Variants in LDAH observed in about 807,000 individuals in gnomAD.
LDAH encodes lipid droplet-associated hydrolase.
In LDAH, 26 loss-of-function variants were observed where a neutral mutation model predicts 29.6. The ratio of observed to expected loss-of-function variants is 0.88; its 90% CI spans 0.64 to 1.22. LDAH has a LOEUF of 1.22. Ranked by LOEUF, LDAH falls within the 50% of genes most tolerant of loss-of-function variation. The pLI, the probability that LDAH is intolerant of heterozygous loss-of-function variation, is 0.00. For synonymous variants in LDAH, 117 were observed against 133.0 expected (o/e 0.88, Z 0.83); for missense variants, 344 against 387.3 (o/e 0.89, Z 0.94).
In LDAH at chr2:20,744,335, CAGTT is replaced by C. The variant is rs1667426532; in HGVS notation, c.469-4134_469-4131del. Among the ~76,000 whole-genome samples the C allele has an allele frequency of 7.3e-5, 11 of 151,038 alleles. No homozygotes were observed. The South Asian group carries it at 2.3e-3, about 31-fold the overall frequency. On this transcript the variant is annotated intron_variant, in intron 4 of 6. Coordinates refer to ENST00000237822, the MANE Select transcript of LDAH (RefSeq NM_021925.4). ...TATAAATCAGCTTTTAGCAATGTAG[CAGTT>C]AGGTGGGGGAAAGGGGAGGGGAGAC...
At chr2:20,814,659 A>G (rs1025521956) in intron 1 of LDAH, among the ~76,000 whole-genome samples, 15 of 152,224 alleles carry the variant, frequency 9.9e-5, no homozygotes, top group Non-Finnish European at 1.8e-4. Flanking sequence ...AAGGGGTTTC[A>G]CCATGTTGCC....
chr2:20,755,815 G>A (rs552983302), intron 4 of LDAH, among the ~76,000 whole-genome samples: 1 of 152,308 alleles, frequency 6.6e-6, no homozygotes, highest in East Asian at 1.9e-4. Context: ...GCAAACTCCA[G>A]CTCCTTGAGC....
rs1259491123 is a variant in LDAH at position 20,684,394 on chromosome 2, T to C, written c.*2509A>G. Reference sequence around the variant, plus strand: ...GTCTCCTTTAATCTGAAATTGCTTTTTTTTTTTGCTCTTTTTTAAAAATTA... The same window carrying C: ...GTCTCCTTTAATCTGAAATTGCTTTCTTTTTTTGCTCTTTTTTAAAAATTA... On this transcript the variant is annotated 3_prime_UTR_variant, in exon 7 of 7. Coordinates refer to ENST00000237822, the MANE Select transcript of LDAH (RefSeq NM_021925.4). 1 of 152,360 alleles carries C rather than the reference T, an allele frequency of 6.6e-6. No homozygotes were observed. Among genetic ancestry groups the C allele is most frequent in the Admixed American group, 6.5e-5 (1 of 15,288 alleles). The allele number at this position is 152,360 out of a possible 1,614,324, so 9.4% of individuals were successfully genotyped here. A position where few individuals can be genotyped will look rare whatever the true frequency, so the allele number is the denominator to read the frequency against.
Position 20,701,614 on chromosome 2 carries a change from C to A in LDAH, c.742G>T (p.Val248Leu), listed in dbSNP as rs1663944167. 4.3e-6 allele frequency: 7 copies of A among 1,613,990 alleles called. No individual in the cohort carries two copies. The East Asian group carries it at 1.6e-4, about 36-fold the overall frequency. The change falls in exon 6 of 7, where the codon GTG (valine) becomes TTG (leucine). Residue 248 changes from valine to leucine, a missense_variant. Val to Leu is a conservative substitution (Grantham distance 32, BLOSUM62 1). Transcript: ENST00000237822. ...AYLGGQEMME[V>L]VKRDDETIKE... Reference sequence around the variant, plus strand: ...ATGGTTTCGTCATCTCTCTTCACCACCTCCATCATTTCTTGGCCCCCAAGG... The same window carrying A: ...ATGGTTTCGTCATCTCTCTTCACCAACTCCATCATTTCTTGGCCCCCAAGG...
intron 1 of LDAH, among the ~76,000 whole-genome samples, chr2:20,820,643 A>T (rs1098154): frequency 0.045 from 6,752 of 148,528 alleles, 226 homozygotes; most frequent in African/African-American, 0.16. Context: ...TAAATGTTAG[A>T]CCTAAAACCA....
At chr2:20,773,504 A>G (rs1341586458) in intron 4 of LDAH, among the ~76,000 whole-genome samples, 1 of 152,182 alleles carries the variant, frequency 6.6e-6, no homozygotes, top group Non-Finnish European at 1.5e-5. Context: ...AAATGCTAAA[A>G]GGAAAAATAA....
chr2:20,785,428 G>A (rs939939465), intron 3 of LDAH, among the ~76,000 whole-genome samples: 1 of 152,094 alleles, frequency 6.6e-6, no homozygotes, highest in Non-Finnish European at 1.5e-5. Context: ...TCTCATCTTC[G>A]TTCTTCTACA....
Position 20,698,494 on chromosome 2 carries a change from C to T in LDAH, c.786+3076G>A, listed in dbSNP as rs1572418588. Among the ~76,000 whole-genome samples, 1 of 152,072 alleles carries T rather than the reference C, an allele frequency of 6.6e-6. No homozygotes were observed. Among genetic ancestry groups the T allele is most frequent in the East Asian group, 1.9e-4 (1 of 5,184 alleles). ...CACAAGGTCAGGAGTTTGAGACCAGCCTGACCAACATGGTGAAACCCTGTC... is the reference window on the plus strand; with the variant it reads ...CACAAGGTCAGGAGTTTGAGACCAGTCTGACCAACATGGTGAAACCCTGTC... On this transcript the variant is annotated intron_variant, in intron 6 of 6. Transcript: ENST00000237822. The surrounding 1 kb of genome is among the most constrained non-coding windows in gnomAD (Gnocchi z 4.4).
At chr2:20,752,677 C>G (rs1165304596) in intron 4 of LDAH, among the ~76,000 whole-genome samples, 1 of 152,184 alleles carries the variant, frequency 6.6e-6, no homozygotes, top group Non-Finnish European at 1.5e-5. Flanking sequence ...CAAATTGCTA[C>G]AAATGGGTGG....
At chr2:20,711,401 A>ATGGCC (rs1664753182) in intron 5 of LDAH, among the ~76,000 whole-genome samples, 1 of 149,648 alleles carries the variant, frequency 6.7e-6, no homozygotes, top group Non-Finnish European at 1.5e-5. Flanking sequence ...AAAAAAAAAG[A>ATGGCC]GTAGAGAAGT....
intron 1 of LDAH, among the ~76,000 whole-genome samples, chr2:20,817,288 A>G (rs1203303347): frequency 6.6e-6 from 1 of 152,084 alleles, no homozygotes; most frequent in African/African-American, 2.4e-5. Flanking sequence ...CCAGCAAATC[A>G]TCACTGAAAA....
intron 3 of LDAH, among the ~76,000 whole-genome samples, chr2:20,784,393 T>C (rs1670406785): frequency 6.6e-6 from 1 of 152,072 alleles, no homozygotes; most frequent in South Asian, 2.1e-4. Flanking sequence ...GGTGACAGAG[T>C]GAGACTGTAT....
chr2:20,715,688 G>T (rs1665126243), intron 5 of LDAH, among the ~76,000 whole-genome samples: 1 of 152,192 alleles, frequency 6.6e-6, no homozygotes, highest in Non-Finnish European at 1.5e-5. Flanking sequence ...CAAGGTCTCA[G>T]GATACAAAAT....
rs191767121 is a variant in LDAH, at chr2:20,714,205, T to C, written c.704-12553A>G. On this transcript the variant is annotated intron_variant, in intron 5 of 6. Coordinates refer to ENST00000237822, the MANE Select transcript of LDAH (RefSeq NM_021925.4). ...TCTCTCAGACCACAGTGCAATCAAA[T>C]TAGAACTCAGGATTAAGAAACTTGG... Among the ~76,000 whole-genome samples, 23 of 152,254 alleles carry C rather than the reference T, an allele frequency of 1.5e-4. No homozygotes were observed. The East Asian group carries it at 4.1e-3, about 27-fold the overall frequency.
intron 1 of LDAH, among the ~76,000 whole-genome samples, chr2:20,814,348 C>G (rs531039452): frequency 6.6e-6 from 1 of 151,986 alleles, no homozygotes; most frequent in Admixed American, 6.6e-5. Context: ...GTTACCTGTT[C>G]TACTTAATTT....
chr2:20,755,399 A>C (rs1668274849), intron 4 of LDAH, among the ~76,000 whole-genome samples: 1 of 152,144 alleles, frequency 6.6e-6, no homozygotes. Context: ...AGGCAGTATC[A>C]CCTTTGAACA....
At position 20,730,231 on chromosome 2, in the gene LDAH, T is replaced by C. The variant is rs1009774398; in HGVS notation, c.703+9740A>G. ...TTACCCATTGAAAATACCTCTGGGT[T>C]GTTTCCAGTTTTTGGCTATTATGAA... On this transcript the variant is annotated intron_variant, in intron 5 of 6. Transcript: ENST00000237822. Among the ~76,000 whole-genome samples the C allele has an allele frequency of 9.2e-5, 14 of 152,226 alleles. 1 individual carries two copies. Among genetic ancestry groups the C allele is most frequent in the African/African-American group, 3.4e-4 (14 of 41,466 alleles).
chr2:20,687,923 C>T (rs970364788), intron 6 of LDAH, among the ~76,000 whole-genome samples: 2 of 152,204 alleles, frequency 1.3e-5, no homozygotes, highest in African/African-American at 4.8e-5. Context: ...TCTTAAGGAT[C>T]CTTTGACCTC....
At chr2:20,750,064 C>T (rs376838323) in intron 4 of LDAH, among the ~76,000 whole-genome samples, 14 of 137,984 alleles carry the variant, frequency 1.0e-4, no homozygotes, top group African/African-American at 3.2e-4. Context: ...CTCATTCTGT[C>T]GCCCAGACTG....
Sources: gnomAD v4.1 joint callset for allele counts (sites outside exome capture counted in the v4.1 genomes callset) on GRCh38, gnomAD v4.1.1 for gene constraint, Gnocchi (gnomAD v3.1) non-coding constraint, MANE v1.5 for transcripts, NCBI Gene and HGNC (gene_info 2026-07-23, HGNC 2026-07-21) for gene names.